NEXN: variants seen among roughly 807,000 people sequenced by gnomAD.
NEXN encodes the protein nexilin F-actin binding protein, also known as nexilin.
Under a neutral mutation model 92.6 loss-of-function variants are expected in NEXN, and 65 were observed. That is an observed-to-expected ratio of 0.70 (90% CI 0.57 to 0.86). The LOEUF is 0.86. Among genes scored for constraint, NEXN ranks in the 40% least tolerant of loss-of-function variants. The pLI, the probability that NEXN is intolerant of heterozygous loss-of-function variation, is 0.00. For synonymous variants in NEXN, 254 were observed against 242.5 expected, an observed-to-expected ratio of 1.05 and a Z score of -0.44; for missense variants, 778 against 771.1, an observed-to-expected ratio of 1.01 and a Z score of -0.11.
At chr1:77,928,162 A>C (rs1193880167) in intron 8 of NEXN, among the ~76,000 whole-genome samples, 1 of 151,962 alleles carries the variant, frequency 6.6e-6, no homozygotes, top group African/African-American at 2.4e-5. Context: ...AAATACAAAA[A>C]TTAGCCAGGT....
intron 10 of NEXN, 67 bp downstream of exon 10, chr1:77,933,546 TATA>T (rs1291331572): frequency 1.8e-5 from 20 of 1,126,860 alleles, no homozygotes; most frequent in African/African-American, 7.8e-5. Context: ...TATATCACCT[TATA>T]ATAACTTTGT....
Position 77,926,429 on chromosome 1 carries a change from C to T in NEXN, c.505C>T (p.Leu169=). 2 of 1,597,094 alleles carry T rather than the reference C, an allele frequency of 1.3e-6. No individual in the cohort carries two copies. Among genetic ancestry groups the T allele is most frequent in the Non-Finnish European group, 1.7e-6 (2 of 1,168,550 alleles). Residue 169 remains leucine (L), a synonymous_variant, in exon 7 of 13, where the codon CTA becomes TTA. Coordinates refer to ENST00000334785, the MANE Select transcript of NEXN (RefSeq NM_144573.4). ...TATAAAATAGGAAGGAGATGATTCA[C>T]TACTTATAACTGTGGTACCTGTCAA... The part of the protein sequence containing the change: ...ESASEEGDDS[L]LITVVPVKSY...
intron 1 of NEXN, among the ~76,000 whole-genome samples, chr1:77,896,168 C>CTAAATAAATAAA (rs1378922617): frequency 7.7e-5 from 2 of 26,094 alleles, no homozygotes; most frequent in South Asian, 1.0e-3. Context: ...GAGACTTTGT[C>CTAAATAAATAAA]TCAATAAATA....
intron 1 of NEXN, among the ~76,000 whole-genome samples, chr1:77,913,648 G>A (rs758828769): frequency 9.9e-5 from 15 of 152,080 alleles, no homozygotes; most frequent in Non-Finnish European, 1.9e-4. Flanking sequence ...TCAAATGCAG[G>A]TGAGGATATG....
chr1:77,920,800 G>T (rs192024978), intron 5 of NEXN, among the ~76,000 whole-genome samples: 1,777 of 151,044 alleles, frequency 0.012, 33 homozygotes, highest in African/African-American at 0.042. Flanking sequence ...TACTGGTGAG[G>T]GAAGAGAAGG....
In NEXN at chr1:77,942,704, G is replaced by A; in HGVS notation, c.1903G>A (p.Glu635Lys). 1 of 1,613,774 alleles carries A rather than the reference G, an allele frequency of 6.2e-7. No individual in the cohort carries two copies. ...GEDYQYIERG[E>K]TYCLYLPETF... is the part of the protein sequence containing the mutation. ...AGACTATCAATATATTGAAAGGGGAGAAACTTACTGCCTTTACTTACCAGA... is the reference window on the plus strand; with the variant it reads ...AGACTATCAATATATTGAAAGGGGAAAAACTTACTGCCTTTACTTACCAGA... Residue 635 changes from glutamate to lysine, a missense_variant, in exon 13 of 13, where the codon GAA becomes AAA. Glu to Lys is a moderately conservative substitution (Grantham distance 56). Around this residue, in one of 3 missense-constraint regions of NEXN, gnomAD observed 532 missense variants for 476.7 expected, o/e 1.12. Transcript: ENST00000334785.
chr1:77,911,060 C>T (rs1355483778), intron 1 of NEXN, among the ~76,000 whole-genome samples: 2 of 151,996 alleles, frequency 1.3e-5, no homozygotes, highest in African/African-American at 4.8e-5. Flanking sequence ...TGTTCTTGAA[C>T]TCCTGGCCTC....
At chr1:77,941,775 A>C (rs1472396431) in intron 11 of NEXN, 1 of 486,374 alleles carries the variant, frequency 2.1e-6, no homozygotes, top group East Asian at 3.8e-5. Flanking sequence ...CAAACAGGCT[A>C]GGATCCCAGT....
intron 10 of NEXN, 51 bp from the exon 11 acceptor site, chr1:77,935,772 G>A (rs759949885): frequency 6.5e-7 from 1 of 1,531,590 alleles, no homozygotes; most frequent in South Asian, 1.1e-5. Flanking sequence ...TGGCAACATA[G>A]TGAGACTCTC....
intron 1 of NEXN, among the ~76,000 whole-genome samples, chr1:77,905,844 T>C (rs1007089151): frequency 2.0e-5 from 3 of 151,724 alleles, no homozygotes; most frequent in Admixed American, 6.6e-5. Flanking sequence ...GTTAGCTGAG[T>C]GATAAGGGAA....
chr1:77,943,402 T>G lies in NEXN; in HGVS notation c.*573T>G, dbSNP rs1175917622. 1 of 164,456 alleles carries G rather than the reference T, an allele frequency of 6.1e-6. No homozygotes were observed. Among genetic ancestry groups the G allele is most frequent in the Non-Finnish European group, 1.3e-5 (1 of 75,696 alleles). The allele number at this position is 164,456 out of a possible 1,614,324, so 10.2% of individuals were successfully genotyped here. A position where few individuals can be genotyped will look rare whatever the true frequency, so the allele number is the denominator to read the frequency against. Reference sequence around the variant, plus strand: ...TTTAGTAGTACACCATTTTGGTTGTTGTAGTTTCAAAGTCTTTCTGAAGCA... The same window carrying G: ...TTTAGTAGTACACCATTTTGGTTGTGGTAGTTTCAAAGTCTTTCTGAAGCA... On this transcript the variant is annotated 3_prime_UTR_variant, in exon 13 of 13. Transcript: ENST00000334785.
rs1237215959 is a variant in NEXN, at chr1:77,929,374, G to A, written c.923G>A (p.Gly308Asp). Residue 308 changes from glycine to aspartate, a missense_variant, in exon 9 of 13, where the codon GGT (glycine) becomes GAT (aspartate). Physicochemically the swap from Gly to Asp is moderately conservative, Grantham distance 94. This residue lies in a region of NEXN where 532 missense variants were observed against 476.7 expected (regional missense o/e 1.12). Coordinates refer to ENST00000334785, the MANE Select transcript of NEXN (RefSeq NM_144573.4). ...TAKIFKGYRPGKLKLSFEEME... is the reference protein window; with the variant it reads ...TAKIFKGYRPDKLKLSFEEME... Reference sequence around the variant, plus strand: ...AAAATTTTTAAAGGGTACCGCCCTGGTAAACTCAAACTCAGTTTTGAAGAA... The same window carrying A: ...AAAATTTTTAAAGGGTACCGCCCTGATAAACTCAAACTCAGTTTTGAAGAA... 1 of 1,613,790 alleles carries A rather than the reference G, an allele frequency of 6.2e-7. No homozygotes were observed. Among genetic ancestry groups the A allele is most frequent in the Admixed American group, 1.7e-5 (1 of 59,952 alleles).
chr1:77,940,492 GAA>G (rs1651172797), intron 11 of NEXN, among the ~76,000 whole-genome samples: 1 of 152,156 alleles, frequency 6.6e-6, no homozygotes, highest in Non-Finnish European at 1.5e-5. Flanking sequence ...CAGCTCAAGA[GAA>G]ATTATTTTAC....
intron 1 of NEXN, among the ~76,000 whole-genome samples, chr1:77,902,745 T>C (rs959207421): frequency 6.6e-6 from 1 of 152,178 alleles, no homozygotes; most frequent in East Asian, 1.9e-4. Context: ...GACTGATATG[T>C]CTGAGATGTT....
In NEXN at chr1:77,942,013, T is replaced by C. The variant is rs374541562; in HGVS notation, c.1474-10T>C. On this transcript the variant is annotated splice_polypyrimidine_tract_variant and intron_variant, in intron 11 of 12. Transcript: ENST00000334785. ...CAAGCAATTGTTAATCTTGGCCCAC[T>C]TTCTTGCAGGAAGATGATGTTGATG... 3.1e-6 allele frequency: 5 copies of C among 1,611,040 alleles called. No individual in the cohort carries two copies. In the African/African-American group the frequency reaches 6.7e-5, roughly 22 times the overall value.
intron 5 of NEXN, among the ~76,000 whole-genome samples, chr1:77,919,815 G>A (rs1183941307): frequency 1.3e-5 from 2 of 151,968 alleles, no homozygotes; most frequent in African/African-American, 4.8e-5. Context: ...GGCCAGGTTG[G>A]TCTTGAATTC....
chr1:77,921,556 T>C (rs1401847432), intron 5 of NEXN, among the ~76,000 whole-genome samples: 1 of 151,912 alleles, frequency 6.6e-6, no homozygotes. Flanking sequence ...GCAATCCTCC[T>C]ACCTCAGCCT....
At chr1:77,907,054 C>T (rs371709166) in intron 1 of NEXN, among the ~76,000 whole-genome samples, 21 of 152,082 alleles carry the variant, frequency 1.4e-4, no homozygotes, top group Middle Eastern at 3.2e-3. Flanking sequence ...ACCAGGCACA[C>T]GGTAAAGACT....
Position 77,909,861 on chromosome 1 carries a change from A to G in NEXN, c.-52-6194A>G, listed in dbSNP as rs557671852. Among the ~76,000 whole-genome samples, 84 of 152,352 alleles carry G rather than the reference A, an allele frequency of 5.5e-4. 1 individual carries two copies. Among genetic ancestry groups the G allele is most frequent in the Admixed American group, 1.3e-3 (20 of 15,302 alleles). On this transcript the variant is annotated intron_variant, in intron 1 of 12. Transcript: ENST00000334785. ...AATTCCCAACTCATTCTATAAAGAC[A>G]ATATTACTCTGTTAATAAAAGCGGA...
Sources: gnomAD v4.1 joint callset for allele counts (sites outside exome capture counted in the v4.1 genomes callset) on GRCh38, gnomAD v4.1.1 for gene constraint, gnomAD v4.1.1 regional missense constraint, MANE v1.5 for transcripts, NCBI Gene and HGNC (gene_info 2026-07-23, HGNC 2026-07-21) for gene names.